The following DSCAM variants were observed in gnomAD, a reference collection of about 807,000 sequenced individuals.
The protein encoded by DSCAM is DS cell adhesion molecule, also known as cell adhesion molecule DSCAM.
A neutral mutation model predicts 217.7 loss-of-function variants in DSCAM; 47 were observed. That is an observed-to-expected ratio of 0.22 (90% CI 0.17 to 0.28). The LOEUF (loss-of-function observed/expected upper bound fraction) is 0.28. DSCAM is among the 10% of genes least tolerant of loss of function. The probability of loss-of-function intolerance (pLI) is 1.00; values close to 1 mark genes in which losing one functional copy is unlikely to be tolerated. For missense variants in DSCAM, 2,080 were observed against 2,618.3 expected, an observed-to-expected ratio of 0.79 and a Z score of 4.49; for synonymous variants, 1,056 against 1,015.3, an observed-to-expected ratio of 1.04 and a Z score of -0.76.
intron 14 of DSCAM, 90 bp from the exon 15 acceptor site, chr21:40,179,184 C>CAAAAAAAAAAAAAAAAAAAAAAAAAA (rs11286508): frequency 1.0e-5 from 1 of 100,436 alleles, no homozygotes; most frequent in Non-Finnish European, 1.8e-5. Context: ...AATTAAAAAC[C>CAAAAAAAAAAAAAAAAAAAAAAAAAA]AAAAAAAAAA....
chr21:40,020,540 A>G (rs2088246408), intron 32 of DSCAM, among the ~76,000 whole-genome samples: 1 of 151,928 alleles, frequency 6.6e-6, no homozygotes, highest in Admixed American at 6.6e-5. Flanking sequence ...TGAGAGAGAG[A>G]GAGAGAGGAG....
intron 20 of DSCAM, among the ~76,000 whole-genome samples, chr21:40,108,110 G>T (rs2089845073): frequency 6.6e-6 from 1 of 152,138 alleles, no homozygotes; most frequent in African/African-American, 2.4e-5. Context: ...ACAAGACAAG[G>T]ATGCCCTCTC....
intron 13 of DSCAM, 31 bp downstream of exon 13, chr21:40,187,860 T>C: frequency 4.5e-6 from 7 of 1,568,636 alleles, no homozygotes; most frequent in Non-Finnish European, 6.1e-6. Flanking sequence ...GAAATGACTG[T>C]GTTTATTCTC....
chr21:40,165,351 G>T (rs2090583003), intron 16 of DSCAM, among the ~76,000 whole-genome samples: 1 of 152,206 alleles, frequency 6.6e-6, no homozygotes, highest in South Asian at 2.1e-4. Flanking sequence ...GATGTGAAAT[G>T]CTAAGCTGGT....
intron 18 of DSCAM, among the ~76,000 whole-genome samples, chr21:40,139,300 G>A (rs372615896): frequency 1.3e-5 from 2 of 151,898 alleles, no homozygotes; most frequent in African/African-American, 2.4e-5. Context: ...CAGGGTGGTC[G>A]GGGCACAGTT....
intron 1 of DSCAM, among the ~76,000 whole-genome samples, chr21:40,774,142 G>A (rs1056403495): frequency 2.6e-5 from 4 of 152,156 alleles, no homozygotes; most frequent in East Asian, 1.9e-4. Flanking sequence ...CAGGACAGGC[G>A]GCCTGTGACT....
At chr21:40,843,742 C>G (rs1439867330) in intron 1 of DSCAM, among the ~76,000 whole-genome samples, 4 of 149,186 alleles carry the variant, frequency 2.7e-5, no homozygotes, top group Non-Finnish European at 5.9e-5. Flanking sequence ...CAGGTGAGGT[C>G]ATTCATTTAA....
At chr21:40,195,983 CA>C (rs1403217045) in intron 11 of DSCAM, among the ~76,000 whole-genome samples, 2 of 152,312 alleles carry the variant, frequency 1.3e-5, no homozygotes, top group South Asian at 2.1e-4. Flanking sequence ...TTACTGAATA[CA>C]TTTTTTTTAT....
chr21:40,153,377 T>C (rs1171636502), intron 16 of DSCAM, among the ~76,000 whole-genome samples: 2 of 152,150 alleles, frequency 1.3e-5, no homozygotes, highest in Non-Finnish European at 2.9e-5. Flanking sequence ...GAGAAGAGCA[T>C]ACTTCACCTG....
intron 1 of DSCAM, among the ~76,000 whole-genome samples, chr21:40,722,033 T>A (rs537797538): frequency 4.0e-4 from 60 of 151,764 alleles, no homozygotes; most frequent in African/African-American, 6.0e-4. Flanking sequence ...AGCATTTTTT[T>A]AAAAAAAAGA....
chr21:40,812,726 G>T (rs1371374114), intron 1 of DSCAM, among the ~76,000 whole-genome samples: 3 of 152,204 alleles, frequency 2.0e-5, no homozygotes, highest in Non-Finnish European at 4.4e-5. Context: ...TATCATTCTA[G>T]AAGATGATGT....
intron 1 of DSCAM, among the ~76,000 whole-genome samples, chr21:40,809,317 C>T (rs570138136): frequency 1.3e-5 from 2 of 152,018 alleles, no homozygotes; most frequent in Admixed American, 6.5e-5. Flanking sequence ...GAGGAAAAGC[C>T]GATCTATAAA....
chr21:40,437,648 C>G (rs768010245), intron 3 of DSCAM, among the ~76,000 whole-genome samples: 21 of 151,902 alleles, frequency 1.4e-4, no homozygotes, highest in African/African-American at 4.8e-4. Context: ...GTTGGGAGTT[C>G]GAGACCAGCC....
chr21:40,683,041 C>A (rs1415324713), intron 3 of DSCAM, among the ~76,000 whole-genome samples: 1 of 152,212 alleles, frequency 6.6e-6, no homozygotes, highest in Non-Finnish European at 1.5e-5. Flanking sequence ...AGGAAGGCGT[C>A]CATCTGCACG....
rs190734377 is a variant in DSCAM, at chr21:40,308,768, G to A, written c.2062+3313C>T. Among the ~76,000 whole-genome samples the A allele has an allele frequency of 1.9e-3, 296 of 152,176 alleles. 1 individual carries two copies. The highest frequency in any genetic ancestry group is 4.4e-3 in the South Asian group (21 of 4,814). On this transcript the variant is annotated intron_variant, in intron 9 of 32. Transcript: ENST00000400454. Reference sequence around the variant, plus strand: ...TATATATTAGACCAATTTTATAGTTGGTTTGTAGTAGGAGGATAAATGTGT... The same window carrying A: ...TATATATTAGACCAATTTTATAGTTAGTTTGTAGTAGGAGGATAAATGTGT...
rs573375962 is a variant in DSCAM, at chr21:40,680,264, G to C, written c.508+12546C>G. 4.6e-5 allele frequency among the ~76,000 whole-genome samples: 7 copies of C among 152,270 alleles called. No individual in the cohort carries two copies. In the East Asian group the frequency reaches 1.3e-3, roughly 29 times the overall value. On this transcript the variant is annotated intron_variant, in intron 3 of 32. Coordinates refer to ENST00000400454, the MANE Select transcript of DSCAM (RefSeq NM_001389.5). ...GCTTCAGGCTCCACACTATCTACAG[G>C]CTCTATAGAGAAATGCACACCTAGA...
At chr21:40,605,631 C>T (rs1406454579) in intron 3 of DSCAM, among the ~76,000 whole-genome samples, 4 of 152,058 alleles carry the variant, frequency 2.6e-5, no homozygotes, top group Middle Eastern at 3.2e-3. Flanking sequence ...AGGGGTTGGG[C>T]CACATTTGGC....
chr21:40,553,052 A>C (rs1255604803), intron 3 of DSCAM, among the ~76,000 whole-genome samples: 1 of 152,242 alleles, frequency 6.6e-6, no homozygotes, highest in Non-Finnish European at 1.5e-5. Context: ...TCACTGCTCA[A>C]AACCATCTGC....
At chr21:40,438,887 A>T (rs931011721) in intron 3 of DSCAM, among the ~76,000 whole-genome samples, 1 of 152,088 alleles carries the variant, frequency 6.6e-6, no homozygotes, top group East Asian at 1.9e-4. Flanking sequence ...CAATATCGAC[A>T]TCTTAGATTT....
Sources: gnomAD v4.1 joint callset for allele counts (sites outside exome capture counted in the v4.1 genomes callset) on GRCh38, gnomAD v4.1.1 for gene constraint, MANE v1.5 for transcripts, NCBI Gene and HGNC (gene_info 2026-07-23, HGNC 2026-07-21) for gene names.